RFTN2: variants seen among roughly 807,000 people sequenced by gnomAD.
The protein encoded by RFTN2 is raftlin family member 2, also known as raftlin-2.
In RFTN2, 34 loss-of-function variants were observed where a neutral mutation model predicts 52.7. The ratio of observed to expected loss-of-function variants is 0.64; its 90% CI spans 0.49 to 0.86. The LOEUF is 0.86. RFTN2 is among the 40% of genes least tolerant of loss of function. The probability of loss-of-function intolerance (pLI) is 0.00; values close to 1 mark genes in which losing one functional copy is unlikely to be tolerated. For synonymous variants in RFTN2, 203 were observed against 217.7 expected (o/e 0.93, Z 0.59); for missense variants, 536 against 600.1 (o/e 0.89, Z 1.12).
At chr2:197,614,405 A>T (rs548272434) in intron 7 of RFTN2, among the ~76,000 whole-genome samples, 2 of 152,204 alleles carry the variant, frequency 1.3e-5, no homozygotes, top group Non-Finnish European at 2.9e-5. Flanking sequence ...TTCCCACTGC[A>T]TCCCACCTCT....
At chr2:197,588,159 T>C (rs2087631441) in intron 8 of RFTN2, 10 of 384,982 alleles carry the variant, frequency 2.6e-5, no homozygotes, top group East Asian at 2.2e-4. Flanking sequence ...CCACCTATAA[T>C]TCCATCTCCC....
chr2:197,598,151 A>G (rs2087821444), intron 7 of RFTN2, among the ~76,000 whole-genome samples: 1 of 151,958 alleles, frequency 6.6e-6, no homozygotes, highest in Non-Finnish European at 1.5e-5. Context: ...TCTTGTATCT[A>G]CAAAATCATT....
chr2:197,675,295 C>T lies in RFTN2; in HGVS notation c.139+25G>A, dbSNP rs184930959. On this transcript the variant is annotated intron_variant, in intron 1 of 8. Transcript: ENST00000295049. ...GTAGTCTCATCTCTGAAACATTTAA[C>T]AAACAAAATAGAAGCAAAAAGTACC... The T allele has an allele frequency of 1.7e-3, 2,678 of 1,544,352 alleles. 33 individuals carry two copies. In the African/African-American group the frequency reaches 0.029, roughly 17 times the overall value.
chr2:197,575,636 G>A (rs2087397892), intron 8 of RFTN2, among the ~76,000 whole-genome samples: 1 of 151,656 alleles, frequency 6.6e-6, no homozygotes, highest in South Asian at 2.1e-4. Flanking sequence ...AAAGTGGCAT[G>A]AGCCTGTAGT....
chr2:197,614,632 G>T (rs2106209147), intron 7 of RFTN2, among the ~76,000 whole-genome samples: 1 of 152,298 alleles, frequency 6.6e-6, no homozygotes, highest in South Asian at 2.1e-4. Context: ...TGGGGCCGGA[G>T]CCCCACAGCA....
chr2:197,649,572 C>T (rs940465330), intron 1 of RFTN2, among the ~76,000 whole-genome samples: 2 of 152,304 alleles, frequency 1.3e-5, no homozygotes, highest in East Asian at 3.9e-4. Flanking sequence ...GCTGGCCTTG[C>T]TGCTCTTGCT....
At chr2:197,606,983 T>C (rs1207348153) in intron 7 of RFTN2, among the ~76,000 whole-genome samples, 1 of 152,234 alleles carries the variant, frequency 6.6e-6, no homozygotes, top group Admixed American at 6.5e-5. Context: ...TTACTGGGTA[T>C]ATACCCAAAG....
chr2:197,661,811 G>C (rs565308342), intron 1 of RFTN2, among the ~76,000 whole-genome samples: 2 of 152,024 alleles, frequency 1.3e-5, no homozygotes, highest in Admixed American at 1.3e-4. Context: ...ATCTCTTTTT[G>C]TCTTTGTAGT....
chr2:197,665,507 T>C (rs1286983515), intron 1 of RFTN2, among the ~76,000 whole-genome samples: 3 of 145,770 alleles, frequency 2.1e-5, no homozygotes, highest in South Asian at 2.2e-4. Flanking sequence ...TTTATCATTA[T>C]GTACCTTGCC....
chr2:197,658,145 C>T (rs557779862), intron 1 of RFTN2, among the ~76,000 whole-genome samples: 1 of 151,540 alleles, frequency 6.6e-6, no homozygotes, highest in African/African-American at 2.4e-5. Context: ...TTTTCCCCCT[C>T]ATGCTACCTT....
At chr2:197,648,106 C>T (rs2088778787) in intron 1 of RFTN2, among the ~76,000 whole-genome samples, 1 of 152,096 alleles carries the variant, frequency 6.6e-6, no homozygotes, top group Non-Finnish European at 1.5e-5. Context: ...TGGTGTCTGG[C>T]AAAGAACTGC....
At chr2:197,666,783 A>G (rs887156046) in intron 1 of RFTN2, among the ~76,000 whole-genome samples, 9 of 152,148 alleles carry the variant, frequency 5.9e-5, no homozygotes, top group South Asian at 2.1e-4. Context: ...TGGTAACTTC[A>G]TGGTGTTCCA....
At chr2:197,592,072 C>T (rs932119190) in intron 8 of RFTN2, among the ~76,000 whole-genome samples, 6 of 152,156 alleles carry the variant, frequency 3.9e-5, no homozygotes, top group East Asian at 1.9e-4. Context: ...TGAGGAGGCG[C>T]GGAGAGTGAG....
At chr2:197,639,434 C>A (rs1366135636) in intron 3 of RFTN2, among the ~76,000 whole-genome samples, 3 of 150,804 alleles carry the variant, frequency 2.0e-5, no homozygotes, top group African/African-American at 4.9e-5. Context: ...AGGCTTTGCT[C>A]ATTTCTTTTT....
chr2:197,595,734 C>T (rs531444589), intron 8 of RFTN2, among the ~76,000 whole-genome samples: 32 of 152,298 alleles, frequency 2.1e-4, no homozygotes, highest in African/African-American at 7.5e-4. Context: ...GAGAGTTCCT[C>T]CTGTGTCTGC....
intron 1 of RFTN2, among the ~76,000 whole-genome samples, chr2:197,669,903 C>T (rs552000009): frequency 2.6e-5 from 4 of 152,242 alleles, no homozygotes; most frequent in East Asian, 1.9e-4. Context: ...TCCGTAATAC[C>T]CTGATTTTTA....
At chr2:197,646,751 G>A (rs1574739951) in intron 1 of RFTN2, 85 bp from the exon 2 acceptor site, 2 of 1,097,292 alleles carry the variant, frequency 1.8e-6, no homozygotes, top group East Asian at 2.5e-5. Context: ...TAATACTAAT[G>A]AATAGGAAAA....
chr2:197,614,710 G>A (rs951479740), intron 7 of RFTN2, among the ~76,000 whole-genome samples: 2 of 152,210 alleles, frequency 1.3e-5, no homozygotes, highest in Admixed American at 6.5e-5. Context: ...AGCATGCAGA[G>A]GGTGAACAAA....
intron 1 of RFTN2, among the ~76,000 whole-genome samples, chr2:197,650,791 AT>A (rs2088815162): frequency 6.6e-6 from 1 of 152,132 alleles, no homozygotes; most frequent in Non-Finnish European, 1.5e-5. Context: ...GCTTTTGATT[AT>A]TTTAAATACA....
Sources: allele counts gnomAD v4.1 joint callset (sites outside exome capture counted in the v4.1 genomes callset), GRCh38; gene constraint gnomAD v4.1.1; transcripts MANE v1.5; gene names NCBI Gene and HGNC (gene_info 2026-07-23, HGNC 2026-07-21).